RIGI: variants seen among roughly 807,000 people sequenced by gnomAD.
RIGI encodes antiviral innate immune response receptor RIG-I.
chr9:32,461,056 A>C, the RIGI span, among the ~76,000 whole-genome samples: 1 of 152,038 alleles, frequency 6.6e-6, no homozygotes, highest in Non-Finnish European at 1.5e-5. Flanking sequence ...AAAAAAAAAA[A>C]AAATGACACC....
the RIGI span, among the ~76,000 whole-genome samples, chr9:32,520,316 C>T: frequency 1.3e-5 from 2 of 152,054 alleles, no homozygotes; most frequent in African/African-American, 4.8e-5. Flanking sequence ...ACAGTAACTA[C>T]TAGGCACCAA....
At chr9:32,467,304 G>C in the RIGI span, among the ~76,000 whole-genome samples, 2 of 152,300 alleles carry the variant, frequency 1.3e-5, no homozygotes, top group South Asian at 4.1e-4. Flanking sequence ...CGATCGAGCT[G>C]TTTTTCAGGA....
the RIGI span, among the ~76,000 whole-genome samples, chr9:32,460,684 A>G: frequency 6.6e-6 from 1 of 152,220 alleles, no homozygotes; most frequent in South Asian, 2.1e-4. Flanking sequence ...TGGGCTTTCC[A>G]TAGCAGAATG....
At chr9:32,512,581 G>A in the RIGI span, among the ~76,000 whole-genome samples, 3 of 152,056 alleles carry the variant, frequency 2.0e-5, no homozygotes, top group Non-Finnish European at 4.4e-5. Flanking sequence ...GAATAATAAA[G>A]AGCTATTTAT....
At chr9:32,511,397 G>GCAATCA in the RIGI span, among the ~76,000 whole-genome samples, 1 of 152,170 alleles carries the variant, frequency 6.6e-6, no homozygotes, top group African/African-American at 2.4e-5. Flanking sequence ...AGAACACAGT[G>GCAATCA]CAATCAAATT....
the RIGI span, chr9:32,491,230 C>T: frequency 6.4e-7 from 1 of 1,563,156 alleles, no homozygotes; most frequent in Non-Finnish European, 8.6e-7. Context: ...ACTTTGGGTA[C>T]TGCAAAACAA....
the RIGI span, among the ~76,000 whole-genome samples, chr9:32,478,869 T>C: frequency 8.5e-5 from 13 of 152,192 alleles, no homozygotes; most frequent in Non-Finnish European, 1.8e-4. Flanking sequence ...TTAATTTATG[T>C]TGAGAGTTTA....
At chr9:32,509,096 C>A in the RIGI span, among the ~76,000 whole-genome samples, 1 of 152,132 alleles carries the variant, frequency 6.6e-6, no homozygotes, top group Non-Finnish European at 1.5e-5. Context: ...GCCAGCAGCC[C>A]CACTCAGGGG....
At chr9:32,490,813 C>T in the RIGI span, among the ~76,000 whole-genome samples, 2 of 152,206 alleles carry the variant, frequency 1.3e-5, no homozygotes, top group Non-Finnish European at 2.9e-5. Context: ...CCCCTCAGTG[C>T]ACTGTGTTGC....
the RIGI span, among the ~76,000 whole-genome samples, chr9:32,519,911 G>A: frequency 6.6e-6 from 1 of 152,120 alleles, no homozygotes; most frequent in Non-Finnish European, 1.5e-5. Context: ...TGTTATGCCA[G>A]TTTGAAGATT....
chr9:32,457,496 A>G, the RIGI span: 4 of 1,186,386 alleles, frequency 3.4e-6, no homozygotes, highest in African/African-American at 1.5e-5. Flanking sequence ...AAAAAAAAAA[A>G]AGAAAACCCC....
At chr9:32,517,300 T>C in the RIGI span, among the ~76,000 whole-genome samples, 1 of 152,214 alleles carries the variant, frequency 6.6e-6, no homozygotes, top group African/African-American at 2.4e-5. Flanking sequence ...GTGGACTTGG[T>C]TGTAGATTCG....
the RIGI span, among the ~76,000 whole-genome samples, chr9:32,507,677 G>T: frequency 1.3e-5 from 2 of 151,596 alleles, no homozygotes; most frequent in Admixed American, 6.6e-5. Context: ...ACAGGGTCTT[G>T]TTCCATTGCC....
chr9:32,515,576 T>C, the RIGI span, among the ~76,000 whole-genome samples: 1 of 152,218 alleles, frequency 6.6e-6, no homozygotes, highest in African/African-American at 2.4e-5. Flanking sequence ...TATTAAGCAC[T>C]ACCTCCCTTG....
the RIGI span, among the ~76,000 whole-genome samples, chr9:32,523,755 AC>A: frequency 6.6e-6 from 1 of 151,678 alleles, no homozygotes; most frequent in African/African-American, 2.4e-5. Context: ...CATTCCTCAA[AC>A]TGAAGTCAAA....
chr9:32,480,222 CAAAT>C, the RIGI span: 1 of 1,595,258 alleles, frequency 6.3e-7, no homozygotes, highest in Non-Finnish European at 8.6e-7. Flanking sequence ...CACTCACCTT[CAAAT>C]CTCTGAGTAA....
At chr9:32,458,365 G>A in the RIGI span, among the ~76,000 whole-genome samples, 1 of 152,154 alleles carries the variant, frequency 6.6e-6, no homozygotes, top group African/African-American at 2.4e-5. Context: ...AAAACATAAG[G>A]TAGTAGGAAA....
chr9:32,480,214 C>CT, the RIGI span: 1 of 1,592,464 alleles, frequency 6.3e-7, no homozygotes, highest in Non-Finnish European at 8.6e-7. Flanking sequence ...GAAAACACCA[C>CT]TCACCTTCAA....
At chr9:32,500,761 C>G in the RIGI span, 2 of 1,588,490 alleles carry the variant, frequency 1.3e-6, no homozygotes, top group Non-Finnish European at 1.7e-6. Context: ...TGTCAAGCAG[C>G]AAAGTAATAT....
Sources: gnomAD v4.1 joint callset for allele counts (sites outside exome capture counted in the v4.1 genomes callset) on GRCh38, gnomAD v4.1.1 for gene constraint, MANE v1.5 for transcripts, NCBI Gene and HGNC (gene_info 2026-07-23, HGNC 2026-07-21) for gene names.